Variants in CDH18 observed in about 807,000 individuals in gnomAD.
CDH18 encodes cadherin 18, also known as cadherin-18.
Under a neutral mutation model 67.9 loss-of-function variants are expected in CDH18, and 31 were observed. That is an observed-to-expected ratio of 0.46 (90% CI 0.34 to 0.62). The LOEUF (loss-of-function observed/expected upper bound fraction) is 0.62, where lower values mean the gene tolerates loss of function less well. Ranked by LOEUF, CDH18 falls within the 20% of genes least tolerant of loss-of-function variation. The probability of loss-of-function intolerance (pLI) is 0.01; values close to 1 mark genes in which losing one functional copy is unlikely to be tolerated. For synonymous variants in CDH18, 362 were observed against 347.2 expected, an observed-to-expected ratio of 1.04 and a Z score of -0.48; for missense variants, 890 against 975.5, an observed-to-expected ratio of 0.91 and a Z score of 1.17.
At chr5:19,714,305 C>G (rs905637981) in intron 5 of CDH18, among the ~76,000 whole-genome samples, 2 of 151,978 alleles carry the variant, frequency 1.3e-5, no homozygotes, top group African/African-American at 4.8e-5. Flanking sequence ...ATGTTGCTAC[C>G]CTGAGTAAAA....
chr5:20,414,611 TA>T (rs1412926717), intron 1 of CDH18, among the ~76,000 whole-genome samples: 2 of 152,112 alleles, frequency 1.3e-5, no homozygotes, highest in African/African-American at 4.8e-5. Context: ...AATCCAAATG[TA>T]AAAAATAAAT....
At chr5:20,421,631 C>T (rs2150159492) in intron 1 of CDH18, among the ~76,000 whole-genome samples, 1 of 150,876 alleles carries the variant, frequency 6.6e-6, no homozygotes, top group Admixed American at 6.6e-5. Flanking sequence ...ATTTGTGTCA[C>T]TAAAACTTAA....
intron 1 of CDH18, among the ~76,000 whole-genome samples, chr5:20,485,998 C>T (rs988996813): frequency 1.3e-5 from 2 of 152,114 alleles, no homozygotes; most frequent in Non-Finnish European, 2.9e-5. Flanking sequence ...CTGAAACTAA[C>T]AGATAAAGAA....
At chr5:20,549,842 C>T (rs1457429296) in intron 1 of CDH18, among the ~76,000 whole-genome samples, 1 of 152,086 alleles carries the variant, frequency 6.6e-6, no homozygotes, top group African/African-American at 2.4e-5. Flanking sequence ...ATATTTATTC[C>T]ACTCTAGCAT....
At chr5:20,216,095 C>A (rs1230207834) in intron 2 of CDH18, among the ~76,000 whole-genome samples, 1 of 151,798 alleles carries the variant, frequency 6.6e-6, no homozygotes, top group Non-Finnish European at 1.5e-5. Context: ...GACAATATAA[C>A]AAGCTTGCAT....
intron 2 of CDH18, among the ~76,000 whole-genome samples, chr5:20,115,977 T>C (rs768450924): frequency 4.6e-5 from 7 of 152,076 alleles, no homozygotes; most frequent in African/African-American, 7.2e-5. Flanking sequence ...AAGTATTAGG[T>C]TGGTGCAAAA....
intron 2 of CDH18, among the ~76,000 whole-genome samples, chr5:20,057,160 G>A (rs1561754815): frequency 6.6e-6 from 1 of 152,052 alleles, no homozygotes; most frequent in African/African-American, 2.4e-5. Context: ...TGTCAATCAG[G>A]CAATAAACGC....
At chr5:20,225,628 G>A (rs190659848) in intron 2 of CDH18, among the ~76,000 whole-genome samples, 36 of 152,142 alleles carry the variant, frequency 2.4e-4, no homozygotes, top group East Asian at 1.2e-3. Context: ...GAAGAAACTT[G>A]GAGTTGGCTT....
intron 11 of CDH18, chr5:19,502,758 T>C (rs934337068): frequency 5.3e-5 from 28 of 524,960 alleles, no homozygotes; most frequent in African/African-American, 5.3e-4. Context: ...CAAGAGCATA[T>C]TACATGTACA....
chr5:19,637,342 ACT>A, intron 5 of CDH18, among the ~76,000 whole-genome samples: 1 of 152,118 alleles, frequency 6.6e-6, no homozygotes, highest in Admixed American at 6.6e-5. Context: ...AGAATTGGAC[ACT>A]CTAATATCAC....
chr5:20,279,730 C>CAAAAAAAAAAAAAAA (rs1309866477), intron 1 of CDH18, among the ~76,000 whole-genome samples: 87 of 66,682 alleles, frequency 1.3e-3, no homozygotes, highest in Non-Finnish European at 2.0e-3. Context: ...AAAAAAAAAG[C>CAAAAAAAAAAAAAAA]AAAAACTGTA....
At chr5:20,030,202 T>A (rs1056611386) in intron 2 of CDH18, among the ~76,000 whole-genome samples, 1 of 152,212 alleles carries the variant, frequency 6.6e-6, no homozygotes, top group African/African-American at 2.4e-5. Context: ...AGGCTGATTA[T>A]GTAGTTAATA....
intron 2 of CDH18, among the ~76,000 whole-genome samples, chr5:19,885,185 T>C (rs1788068842): frequency 1.3e-5 from 2 of 152,184 alleles, no homozygotes; most frequent in South Asian, 4.1e-4. Flanking sequence ...TCTAGCTCTA[T>C]CTTTGACTAT....
intron 2 of CDH18, among the ~76,000 whole-genome samples, chr5:20,075,449 G>T (rs1482743023): frequency 3.3e-5 from 5 of 152,104 alleles, no homozygotes; most frequent in Non-Finnish European, 7.3e-5. Context: ...CTTGCAGTGA[G>T]CCGAGATTGC....
intron 5 of CDH18, among the ~76,000 whole-genome samples, chr5:19,698,475 T>A (rs1366757948): frequency 6.6e-6 from 1 of 152,034 alleles, no homozygotes; most frequent in Non-Finnish European, 1.5e-5. Flanking sequence ...CTAATTTGGC[T>A]CAATAAAAAT....
chr5:20,281,350 T>G (rs1387060977), intron 1 of CDH18, among the ~76,000 whole-genome samples: 1 of 152,212 alleles, frequency 6.6e-6, no homozygotes, highest in Non-Finnish European at 1.5e-5. Context: ...GGTCTAACAT[T>G]TAAGTCTTTA....
In CDH18 at chr5:20,195,424, G is replaced by A. The variant is rs141223653; in HGVS notation, c.-518+60020C>T. ...ATTGTACGGTAATTGATTATAGCAT[G>A]TTCTTACATTTACTTGCCTAAAAAG... On this transcript the variant is annotated intron_variant, in intron 2 of 14. Coordinates refer to the CDH18 transcript ENST00000507958. 3.0e-4 allele frequency among the ~76,000 whole-genome samples: 46 copies of A among 152,034 alleles called. No homozygotes were observed. In the East Asian group the frequency reaches 6.8e-3, roughly 22 times the overall value.
chr5:19,733,808 C>A (rs1767933487), intron 4 of CDH18, among the ~76,000 whole-genome samples: 1 of 152,210 alleles, frequency 6.6e-6, no homozygotes, highest in Admixed American at 6.5e-5. Context: ...CCCTCTGGGG[C>A]TTGGGTGTCT....
At chr5:19,651,117 C>A (rs1755506637) in intron 5 of CDH18, among the ~76,000 whole-genome samples, 1 of 152,060 alleles carries the variant, frequency 6.6e-6, no homozygotes, top group East Asian at 1.9e-4. Flanking sequence ...CCTCAGTCTA[C>A]AATCAAAGAC....
Sources: allele counts gnomAD v4.1 joint callset (sites outside exome capture counted in the v4.1 genomes callset), GRCh38; gene constraint gnomAD v4.1.1; transcripts MANE v1.5; gene names NCBI Gene and HGNC (gene_info 2026-07-23, HGNC 2026-07-21).